Variants in SYNE1 observed in about 807,000 individuals in gnomAD.
The protein encoded by SYNE1 is spectrin repeat containing nuclear envelope protein 1.
In SYNE1, 616 loss-of-function variants were observed where a neutral mutation model predicts 1,111.0. The observed-to-expected ratio is 0.55, with a 90% CI of 0.52 to 0.59. SYNE1 has a LOEUF of 0.59. SYNE1 is among the 20% of genes least tolerant of loss of function. SYNE1 has a pLI of 0.00. For missense variants in SYNE1, 10,006 were observed against 10,417.0 expected, an observed-to-expected ratio of 0.96 and a Z score of 1.72; for synonymous variants, 3,855 against 3,825.8, an observed-to-expected ratio of 1.01 and a Z score of -0.28.
chr6:152,544,493 A>T (rs987527370), intron 3 of SYNE1, among the ~76,000 whole-genome samples: 1 of 151,488 alleles, frequency 6.6e-6, no homozygotes. Context: ...CTATATAAAC[A>T]CCTAGCTCTG....
intron 14 of SYNE1, among the ~76,000 whole-genome samples, chr6:152,482,278 C>T (rs937808222): frequency 3.4e-4 from 51 of 152,080 alleles, no homozygotes; most frequent in Non-Finnish European, 1.5e-4. Context: ...TGTAAATTTG[C>T]TTTATGATCT....
intron 113 of SYNE1, 31 bp from the exon 114 acceptor site, chr6:152,231,598 A>G (rs1470486878): frequency 6.2e-7 from 1 of 1,605,750 alleles, no homozygotes; most frequent in Admixed American, 1.7e-5. Flanking sequence ...ATAAGATTAT[A>G]CAATAAATGT....
chr6:152,594,401 C>T (rs1259811682), intron 3 of SYNE1, among the ~76,000 whole-genome samples: 3 of 152,120 alleles, frequency 2.0e-5, no homozygotes, highest in Non-Finnish European at 2.9e-5. Context: ...TATTTCTGTT[C>T]AGTATACATA....
intron 108 of SYNE1, 31 bp from the exon 109 acceptor site, chr6:152,236,979 A>G (rs908573570): frequency 6.2e-7 from 1 of 1,612,342 alleles, no homozygotes; most frequent in Admixed American, 1.7e-5. Flanking sequence ...TGTGAGCTAA[A>G]AAAACCCTCA....
chr6:152,606,943 C>T (rs1029529178), intron 3 of SYNE1, among the ~76,000 whole-genome samples: 1 of 150,002 alleles, frequency 6.7e-6, no homozygotes, highest in Non-Finnish European at 1.5e-5. Flanking sequence ...CGTGAGCCAC[C>T]GCGCCCGGCA....
chr6:152,618,784 G>A (rs2099668095), intron 3 of SYNE1, among the ~76,000 whole-genome samples: 1 of 152,152 alleles, frequency 6.6e-6, no homozygotes, highest in Non-Finnish European at 1.5e-5. Flanking sequence ...GAATCTGTCT[G>A]GGGCAGTCAC....
chr6:152,231,750 G>A (rs966824916), intron 113 of SYNE1, among the ~76,000 whole-genome samples, 183 bp from the exon 114 acceptor site: 1 of 150,244 alleles, frequency 6.7e-6, no homozygotes, highest in Non-Finnish European at 1.5e-5. Context: ...ATTTGTATAC[G>A]TTTATATGAA....
chr6:152,398,000 CA>C (rs569912534), intron 49 of SYNE1, among the ~76,000 whole-genome samples: 7,264 of 102,026 alleles, frequency 0.071, 237 homozygotes, highest in African/African-American at 0.13. Context: ...GACTCCATCT[CA>C]AAAAAAAAAA....
In SYNE1 at chr6:152,301,911, C is replaced by G. The variant is rs754642929; in HGVS notation, c.17499G>C (p.Gly5833=). 6.5e-5 allele frequency: 105 copies of G among 1,614,076 alleles called. No individual in the cohort carries two copies. Among genetic ancestry groups the G allele is most frequent in the Non-Finnish European group, 7.9e-5 (93 of 1,179,976 alleles). The change falls in exon 92 of 146, where the codon GGG becomes GGC. Residue 5833 remains glycine, a synonymous_variant. Transcript: ENST00000367255. Reference sequence around the variant, plus strand: ...GGGCCGAAGGCGTGGGGAGGAGCTCCCCATCCAGGTCCTCTGTCCCTTCCG... The same window carrying G: ...GGGCCGAAGGCGTGGGGAGGAGCTCGCCATCCAGGTCCTCTGTCCCTTCCG... ...GLAEGTEDLD[G]ELLPTPSAHP... is the part of the protein sequence containing the mutation.
At chr6:152,234,517 A>T in intron 111 of SYNE1, 151 bp downstream of exon 111, 1 of 866,682 alleles carries the variant, frequency 1.2e-6, no homozygotes, top group South Asian at 1.4e-5. Flanking sequence ...CTGGTCCCGA[A>T]CTCCTGACCT....
At chr6:152,416,163 T>C (rs2154181510) in intron 41 of SYNE1, among the ~76,000 whole-genome samples, 1 of 152,316 alleles carries the variant, frequency 6.6e-6, no homozygotes, top group East Asian at 1.9e-4. Context: ...TAGCTACCTA[T>C]GGAATTATTT....
At chr6:152,559,130 G>A (rs767317570) in intron 3 of SYNE1, among the ~76,000 whole-genome samples, 3 of 152,116 alleles carry the variant, frequency 2.0e-5, no homozygotes, top group Non-Finnish European at 4.4e-5. Context: ...AGAGTGCAGT[G>A]GCACTCACTG....
At chr6:152,451,938 C>T (rs1244626599) in intron 25 of SYNE1, among the ~76,000 whole-genome samples, 3 of 151,308 alleles carry the variant, frequency 2.0e-5, no homozygotes, top group Non-Finnish European at 4.4e-5. Flanking sequence ...GTAGGAGGGG[C>T]AGCTATTATA....
intron 3 of SYNE1, among the ~76,000 whole-genome samples, chr6:152,570,471 C>T (rs537223448): frequency 2.0e-5 from 3 of 152,116 alleles, no homozygotes; most frequent in African/African-American, 4.8e-5. Context: ...GTGAGATCTC[C>T]GAAAAACAAA....
At chr6:152,456,955 G>A (rs891790920) in intron 22 of SYNE1, among the ~76,000 whole-genome samples, 1 of 151,814 alleles carries the variant, frequency 6.6e-6, no homozygotes, top group Non-Finnish European at 1.5e-5. Context: ...GAGATAAAAG[G>A]GTAATATAAG....
intron 109 of SYNE1, 129 bp from the exon 110 acceptor site, chr6:152,236,432 A>T: frequency 1.4e-6 from 1 of 706,056 alleles, no homozygotes; most frequent in Non-Finnish European, 2.4e-6. Context: ...TCACTCAAGT[A>T]ACATTGAAAA....
intron 11 of SYNE1, among the ~76,000 whole-genome samples, chr6:152,498,440 A>G (rs1001996482): frequency 2.0e-5 from 3 of 152,210 alleles, no homozygotes; most frequent in Non-Finnish European, 2.9e-5. Flanking sequence ...CACCATACGT[A>G]GTTACTGTAA....
intron 129 of SYNE1, among the ~76,000 whole-genome samples, chr6:152,178,732 T>C (rs1046630158): frequency 6.6e-6 from 1 of 152,152 alleles, no homozygotes; most frequent in Non-Finnish European, 1.5e-5. Context: ...ACAAAGCCCA[T>C]GCTCCTGGAA....
At chr6:152,299,198 A>G (rs2153805439) in intron 93 of SYNE1, among the ~76,000 whole-genome samples, 1 of 152,330 alleles carries the variant, frequency 6.6e-6, no homozygotes, top group Non-Finnish European at 1.5e-5. Context: ...AGTCTCAAAT[A>G]AGTATTTATT....
Sources: allele counts gnomAD v4.1 joint callset (sites outside exome capture counted in the v4.1 genomes callset), GRCh38; gene constraint gnomAD v4.1.1; transcripts MANE v1.5; gene names NCBI Gene and HGNC (gene_info 2026-07-23, HGNC 2026-07-21).